The following KAZN variants were observed in gnomAD, a reference collection of about 807,000 sequenced individuals.
KAZN encodes kazrin, periplakin interacting protein.
KAZN carries 40 observed loss-of-function variants against 87.4 expected under a neutral mutation model. The observed-to-expected ratio is 0.46, with a 90% CI of 0.36 to 0.60. The LOEUF (loss-of-function observed/expected upper bound fraction) is 0.60. Ranked by LOEUF, KAZN falls within the 20% of genes least tolerant of loss-of-function variation. KAZN has a pLI of 0.00. For missense variants in KAZN, 898 were observed against 1,073.9 expected, an observed-to-expected ratio of 0.84 and a Z score of 2.29; for synonymous variants, 466 against 458.3, an observed-to-expected ratio of 1.02 and a Z score of -0.22.
At chr1:14,977,883 CTTTTTTTTTTTTT>C (rs34375176) in intron 2 of KAZN, among the ~76,000 whole-genome samples, 3 of 91,114 alleles carry the variant, frequency 3.3e-5, no homozygotes, top group East Asian at 3.0e-4. Flanking sequence ...GGGTGCACGT[CTTTTTTTTTTTTT>C]TTTTTTTTTT....
At chr1:14,099,726 G>T (rs370169836) in intron 1 of KAZN, among the ~76,000 whole-genome samples, 1 of 152,128 alleles carries the variant, frequency 6.6e-6, no homozygotes, top group Non-Finnish European at 1.5e-5. Context: ...ACCCTTGCTT[G>T]CTTCCTCCCC....
chr1:13,990,557 G>A (rs1639230166), intron 1 of KAZN, among the ~76,000 whole-genome samples: 1 of 152,122 alleles, frequency 6.6e-6, no homozygotes, highest in African/African-American at 2.4e-5. Flanking sequence ...GGGGACACGC[G>A]GGAGCTTTCT....
intron 2 of KAZN, among the ~76,000 whole-genome samples, chr1:14,195,546 C>T (rs1294320596): frequency 1.3e-5 from 2 of 151,242 alleles, no homozygotes; most frequent in Non-Finnish European, 2.9e-5. Context: ...CACACACAAT[C>T]ACTAAACATT....
chr1:13,922,162 C>T (rs911756428), intron 1 of KAZN, among the ~76,000 whole-genome samples: 8 of 152,168 alleles, frequency 5.3e-5, no homozygotes, highest in Admixed American at 4.6e-4. Flanking sequence ...TCTGCCTTTT[C>T]TGTAGTGCTT....
chr1:14,280,433 G>A (rs146162139), intron 2 of KAZN, among the ~76,000 whole-genome samples: 7 of 143,204 alleles, frequency 4.9e-5, no homozygotes, highest in East Asian at 4.3e-4. Flanking sequence ...GGCCCAATCC[G>A]ATATGACTGG....
chr1:13,943,990 G>A (rs1360936263), intron 1 of KAZN, among the ~76,000 whole-genome samples: 1 of 149,850 alleles, frequency 6.7e-6, no homozygotes, highest in East Asian at 1.9e-4. Context: ...AAAAGGTAAA[G>A]GTAAAACTAT....
chr1:14,095,241 GC>G (rs1231481943), intron 1 of KAZN, among the ~76,000 whole-genome samples: 1 of 152,182 alleles, frequency 6.6e-6, no homozygotes, highest in Non-Finnish European at 1.5e-5. Context: ...GAGCCACATG[GC>G]CCATTTCATT....
At chr1:14,959,421 G>T (rs1663568208) in intron 1 of KAZN, among the ~76,000 whole-genome samples, 1 of 151,992 alleles carries the variant, frequency 6.6e-6, no homozygotes, top group Admixed American at 6.6e-5. Context: ...GTGGCTGCAG[G>T]TGGGAAGAGG....
chr1:13,908,974 A>C (rs1222771861), intron 1 of KAZN, among the ~76,000 whole-genome samples: 1 of 152,224 alleles, frequency 6.6e-6, no homozygotes, highest in Non-Finnish European at 1.5e-5. Flanking sequence ...TTCGCAAAGC[A>C]GCAGAGCTCG....
At chr1:14,787,204 A>G (rs3765398) in intron 1 of KAZN, among the ~76,000 whole-genome samples, 14,309 of 152,230 alleles carry the variant, frequency 0.094, 1,067 homozygotes, top group African/African-American at 0.21. Context: ...GCGTTCACGT[A>G]TGCATTGCAT....
chr1:14,622,600 A>T (rs986412848), intron 1 of KAZN, among the ~76,000 whole-genome samples: 15 of 151,558 alleles, frequency 9.9e-5, no homozygotes, highest in Non-Finnish European at 2.2e-4. Context: ...CTGAGGCAGG[A>T]GAATGGCATG....
At chr1:14,270,000 A>T (rs1050965915) in intron 2 of KAZN, among the ~76,000 whole-genome samples, 1 of 152,146 alleles carries the variant, frequency 6.6e-6, no homozygotes, top group Non-Finnish European at 1.5e-5. Flanking sequence ...GAAGTTCAGG[A>T]TGCATAGTGC....
intron 1 of KAZN, among the ~76,000 whole-genome samples, chr1:13,940,825 AAATT>A (rs1308686025): frequency 1.3e-5 from 2 of 152,172 alleles, no homozygotes; most frequent in Admixed American, 6.5e-5. Flanking sequence ...AAATATTCTT[AAATT>A]AATTAAAATA....
intron 1 of KAZN, among the ~76,000 whole-genome samples, chr1:14,908,126 G>A (rs924339083): frequency 5.9e-5 from 9 of 152,318 alleles, no homozygotes; most frequent in South Asian, 2.1e-4. Flanking sequence ...TCAGCGGCAC[G>A]GTGGCTCACA....
Position 14,106,414 on chromosome 1 carries a change from C to T in KAZN, c.92-74021C>T, listed in dbSNP as rs369713028. Reference sequence around the variant, plus strand: ...AAAGCTAACCTATGTGGCTGCTTACCGTATTCCCTGTGGAACAACCCACAT... The same window carrying T: ...AAAGCTAACCTATGTGGCTGCTTACTGTATTCCCTGTGGAACAACCCACAT... On this transcript the variant is annotated intron_variant, in intron 1 of 16. Transcript: ENST00000636203. Among the ~76,000 whole-genome samples the T allele has an allele frequency of 3.3e-5, 5 of 152,274 alleles. No individual in the cohort carries two copies. The East Asian group carries it at 7.7e-4, about 24-fold the overall frequency.
intron 1 of KAZN, among the ~76,000 whole-genome samples, chr1:14,806,261 T>A (rs887935314): frequency 6.6e-6 from 1 of 152,198 alleles, no homozygotes; most frequent in African/African-American, 2.4e-5. Flanking sequence ...TCGTTAATGG[T>A]TCCATCACCC....
chr1:14,950,203 G>C (rs988571367), intron 1 of KAZN, among the ~76,000 whole-genome samples: 2 of 151,988 alleles, frequency 1.3e-5, no homozygotes, highest in Admixed American at 1.3e-4. Flanking sequence ...GGGGATTGCT[G>C]TACTGCTTCC....
intron 2 of KAZN, among the ~76,000 whole-genome samples, chr1:14,543,090 G>C (rs937968746): frequency 6.6e-6 from 1 of 152,140 alleles, no homozygotes; most frequent in East Asian, 1.9e-4. Flanking sequence ...CTGGGTCACC[G>C]TGGACATATC....
At chr1:14,888,114 T>C (rs919897311) in intron 1 of KAZN, among the ~76,000 whole-genome samples, 5 of 152,104 alleles carry the variant, frequency 3.3e-5, no homozygotes, top group Admixed American at 1.3e-4. Context: ...AATCAAGCAA[T>C]CGGGACATTC....
Sources: gnomAD v4.1 joint callset for allele counts (sites outside exome capture counted in the v4.1 genomes callset) on GRCh38, gnomAD v4.1.1 for gene constraint, MANE v1.5 for transcripts, NCBI Gene and HGNC (gene_info 2026-07-23, HGNC 2026-07-21) for gene names.